The following ARHGAP32 variants were observed in gnomAD, a reference collection of about 807,000 sequenced individuals.
The protein encoded by ARHGAP32 is rho GTPase-activating protein 32.
A neutral mutation model predicts 186.5 loss-of-function variants in ARHGAP32; 51 were observed. The ratio of observed to expected loss-of-function variants is 0.27; its 90% CI spans 0.22 to 0.35. The LOEUF (loss-of-function observed/expected upper bound fraction) is 0.35, where lower values mean the gene tolerates loss of function less well. Among genes scored for constraint, ARHGAP32 ranks in the 10% least tolerant of loss-of-function variants. The pLI is 1.00. For synonymous variants in ARHGAP32, 950 were observed against 964.3 expected, an observed-to-expected ratio of 0.99 and a Z score of 0.27; for missense variants, 2,186 against 2,623.5, an observed-to-expected ratio of 0.83 and a Z score of 3.64.
chr11:129,064,669 TTGAGA>T (rs1940626825), intron 8 of ARHGAP32, among the ~76,000 whole-genome samples, 167 bp downstream of exon 8: 1 of 152,144 alleles, frequency 6.6e-6, no homozygotes, highest in African/African-American at 2.4e-5. Context: ...AAAGAAAGAT[TTGAGA>T]TGAAAAAATA....
chr11:129,194,551 G>A (rs867534395), upstream of ARHGAP32, among the ~76,000 whole-genome samples: 1 of 152,134 alleles, frequency 6.6e-6, no homozygotes, highest in South Asian at 2.1e-4. Flanking sequence ...TCAATGAGGA[G>A]TTAGGAGAAA....
chr11:129,237,879 T>A (rs1055011948), intron 1 of ARHGAP32, among the ~76,000 whole-genome samples: 2 of 152,016 alleles, frequency 1.3e-5, no homozygotes, highest in African/African-American at 4.8e-5. Context: ...AGGGCAAAAA[T>A]CACACCAAGA....
At chr11:129,151,750 T>G (rs1943293647) in intron 2 of ARHGAP32, among the ~76,000 whole-genome samples, 1 of 152,092 alleles carries the variant, frequency 6.6e-6, no homozygotes, top group African/African-American at 2.4e-5. Context: ...TAGCATTAAA[T>G]GCCCATATCA....
At chr11:129,109,664 C>T (rs901378411) in intron 5 of ARHGAP32, among the ~76,000 whole-genome samples, 3 of 151,894 alleles carry the variant, frequency 2.0e-5, no homozygotes, top group East Asian at 1.9e-4. Context: ...ATTTGTATTT[C>T]CCTGATGATT....
intron 1 of ARHGAP32, among the ~76,000 whole-genome samples, chr11:129,214,895 A>G (rs1201322885): frequency 6.6e-6 from 1 of 152,204 alleles, no homozygotes; most frequent in Non-Finnish European, 1.5e-5. Flanking sequence ...GACAATAGCA[A>G]ATGCATGGGC....
At chr11:129,065,147 T>C (rs982297431) in intron 7 of ARHGAP32, among the ~76,000 whole-genome samples, 1 of 152,142 alleles carries the variant, frequency 6.6e-6, no homozygotes, top group East Asian at 1.9e-4. Context: ...TAGCCCCTTA[T>C]CATCAGCGAT....
intron 15 of ARHGAP32, 39 bp from the exon 16 acceptor site, chr11:128,981,975 G>A: frequency 7.7e-7 from 1 of 1,302,404 alleles, no homozygotes; most frequent in Non-Finnish European, 1.1e-6. Context: ...AAAGAAACAT[G>A]ATGCAGCAGT....
intron 2 of ARHGAP32, among the ~76,000 whole-genome samples, chr11:129,160,600 G>A (rs979352191): frequency 1.3e-5 from 2 of 152,034 alleles, no homozygotes; most frequent in Non-Finnish European, 2.9e-5. Context: ...ATACTTACAA[G>A]GGATATGAAG....
chr11:129,006,394 T>C (rs1937774640), intron 11 of ARHGAP32, among the ~76,000 whole-genome samples: 1 of 152,208 alleles, frequency 6.6e-6, no homozygotes, highest in African/African-American at 2.4e-5. Context: ...CAAAAGAAGT[T>C]GGGTGTTGTG....
At chr11:129,177,270 G>A (rs1591674803) in intron 1 of ARHGAP32, among the ~76,000 whole-genome samples, 2 of 152,128 alleles carry the variant, frequency 1.3e-5, no homozygotes, top group African/African-American at 4.8e-5. Flanking sequence ...ACCAATAACA[G>A]GAGCTGAAAT....
At chr11:129,019,317 A>G (rs1938495008) in intron 11 of ARHGAP32, among the ~76,000 whole-genome samples, 1 of 152,238 alleles carries the variant, frequency 6.6e-6, no homozygotes, top group Non-Finnish European at 1.5e-5. Context: ...TAATTATTGT[A>G]TACATAATGA....
intron 2 of ARHGAP32, among the ~76,000 whole-genome samples, chr11:129,141,219 C>T (rs1026332427): frequency 6.6e-6 from 1 of 152,086 alleles, no homozygotes; most frequent in Non-Finnish European, 1.5e-5. Context: ...TTGAAACTAA[C>T]CATTTGAAGA....
chr11:129,138,296 T>TAAAAAA (rs9331713), intron 2 of ARHGAP32, among the ~76,000 whole-genome samples: 4 of 51,672 alleles, frequency 7.7e-5, no homozygotes, highest in African/African-American at 2.5e-4. Flanking sequence ...CCCTTACTGG[T>TAAAAAA]AAAAAAAAAA....
At chr11:129,261,075 A>C (rs968752085) in intron 1 of ARHGAP32, among the ~76,000 whole-genome samples, 2 of 152,084 alleles carry the variant, frequency 1.3e-5, no homozygotes, top group African/African-American at 4.8e-5. Context: ...ACTCCTCAGA[A>C]AAAAAAATGG....
rs550604645 is a variant in ARHGAP32 at position 129,067,828 on chromosome 11, CAT to C, written c.532-962_532-961del. Among the ~76,000 whole-genome samples, 29 of 152,178 alleles carry C rather than the reference CAT, an allele frequency of 1.9e-4. No homozygotes were observed. In the East Asian group the frequency reaches 5.6e-3, roughly 29 times the overall value. On this transcript the variant is annotated intron_variant, in intron 6 of 22. Coordinates refer to ENST00000682385, the MANE Select transcript of ARHGAP32 (RefSeq NM_001378024.1). ...GGAGCAGAAACAGAGGGTATCACCT[CAT>C]GAGAGGGTGCTGATTTCTAATCACT...
At chr11:129,019,061 T>G (rs1299497877) in intron 11 of ARHGAP32, among the ~76,000 whole-genome samples, 6 of 152,160 alleles carry the variant, frequency 3.9e-5, no homozygotes, top group Non-Finnish European at 7.3e-5. Flanking sequence ...AGGGGTTTCT[T>G]GCAAAGTAAA....
chr11:129,174,183 C>G (rs887394675), intron 1 of ARHGAP32, among the ~76,000 whole-genome samples: 2 of 152,164 alleles, frequency 1.3e-5, no homozygotes, highest in Non-Finnish European at 2.9e-5. Flanking sequence ...GGGTGACAGA[C>G]GGCACCTGGA....
intron 10 of ARHGAP32, among the ~76,000 whole-genome samples, chr11:129,054,495 G>A (rs886084015): frequency 1.3e-5 from 2 of 152,120 alleles, no homozygotes; most frequent in Non-Finnish European, 2.9e-5. Context: ...CTCTCATTCA[G>A]ATACCAATGG....
At chr11:129,039,689 A>G (rs1458776291) in intron 11 of ARHGAP32, among the ~76,000 whole-genome samples, 2 of 152,212 alleles carry the variant, frequency 1.3e-5, no homozygotes, top group Non-Finnish European at 2.9e-5. Flanking sequence ...TAAAGGGTAA[A>G]TTGCACGATA....
Sources: gnomAD v4.1 joint callset for allele counts (sites outside exome capture counted in the v4.1 genomes callset) on GRCh38, gnomAD v4.1.1 for gene constraint, MANE v1.5 for transcripts, NCBI Gene and HGNC (gene_info 2026-07-23, HGNC 2026-07-21) for gene names.